ZFYVE9: variants seen among roughly 807,000 people sequenced by gnomAD.
ZFYVE9 encodes the protein zinc finger FYVE-type containing 9.
ZFYVE9 carries 43 observed loss-of-function variants against 126.7 expected under a neutral mutation model. That is an observed-to-expected ratio of 0.34 (90% CI 0.27 to 0.44). ZFYVE9 has a LOEUF of 0.44. Ranked by LOEUF, ZFYVE9 falls within the 20% of genes least tolerant of loss-of-function variation. The pLI, the probability that ZFYVE9 is intolerant of heterozygous loss-of-function variation, is 1.00. For synonymous variants in ZFYVE9, 521 were observed against 597.4 expected (o/e 0.87, Z 1.87); for missense variants, 1,476 against 1,697.0 (o/e 0.87, Z 2.29).
intron 13 of ZFYVE9, among the ~76,000 whole-genome samples, chr1:52,308,155 C>T (rs1032853600): frequency 3.9e-5 from 6 of 152,152 alleles, no homozygotes; most frequent in Non-Finnish European, 7.4e-5. Context: ...AATTCCACTT[C>T]ATAGTTGAAA....
intron 2 of ZFYVE9, among the ~76,000 whole-genome samples, chr1:52,228,129 A>C (rs1283291711): frequency 6.6e-6 from 1 of 152,138 alleles, no homozygotes; most frequent in Non-Finnish European, 1.5e-5. Flanking sequence ...CTGAGGCTAG[A>C]GTGCAGTGCC....
intron 10 of ZFYVE9, among the ~76,000 whole-genome samples, chr1:52,285,112 G>A (rs915375363): frequency 1.3e-5 from 2 of 152,038 alleles, no homozygotes; most frequent in Non-Finnish European, 2.9e-5. Context: ...CAAGTTGGTG[G>A]CAGAATTGGG....
chr1:52,299,753 A>C (rs1040458855), intron 12 of ZFYVE9, among the ~76,000 whole-genome samples: 2 of 152,202 alleles, frequency 1.3e-5, no homozygotes, highest in African/African-American at 4.8e-5. Flanking sequence ...TTGTGGACTG[A>C]CAGTGGAGCT....
intron 13 of ZFYVE9, among the ~76,000 whole-genome samples, chr1:52,308,031 C>T (rs1484366420): frequency 6.6e-6 from 1 of 152,122 alleles, no homozygotes; most frequent in East Asian, 1.9e-4. Flanking sequence ...GGATTACAGG[C>T]GTGAGCCACT....
At chr1:52,240,558 C>G (rs954959439) in intron 4 of ZFYVE9, among the ~76,000 whole-genome samples, 1 of 152,112 alleles carries the variant, frequency 6.6e-6, no homozygotes, top group African/African-American at 2.4e-5. Flanking sequence ...CCCCCAGTGA[C>G]TTAGGTGAAA....
chr1:52,337,676 A>G, intron 15 of ZFYVE9, 96 bp from the exon 16 acceptor site: 1 of 1,405,942 alleles, frequency 7.1e-7, no homozygotes, highest in Non-Finnish European at 9.7e-7. Flanking sequence ...AGCTTTGGAA[A>G]GCAGAGCTAA....
At chr1:52,166,265 C>CATTG (rs1644513132) in intron 1 of ZFYVE9, among the ~76,000 whole-genome samples, 1 of 152,128 alleles carries the variant, frequency 6.6e-6, no homozygotes, top group Non-Finnish European at 1.5e-5. Context: ...TTCTACCCAT[C>CATTG]ATTGCTATTG....
intron 1 of ZFYVE9, among the ~76,000 whole-genome samples, chr1:52,155,266 C>T (rs1294171995): frequency 7.2e-6 from 1 of 137,980 alleles, no homozygotes; most frequent in East Asian, 2.1e-4. Context: ...GACGGAGTCT[C>T]GCTGTCGCCC....
At chr1:52,308,474 C>T (rs1429847439) in intron 13 of ZFYVE9, among the ~76,000 whole-genome samples, 1 of 152,146 alleles carries the variant, frequency 6.6e-6, no homozygotes, top group East Asian at 1.9e-4. Flanking sequence ...GGCATCACTA[C>T]ACCCGGCCAT....
At chr1:52,266,405 T>TAAAAAAAAAAAAA (rs33996604) in intron 5 of ZFYVE9, among the ~76,000 whole-genome samples, 34 of 85,634 alleles carry the variant, frequency 4.0e-4, no homozygotes, top group African/African-American at 1.6e-3. Flanking sequence ...TCTAATTCTT[T>TAAAAAAAAAAAAA]AAAAAAAAAA....
chr1:52,188,171 G>C (rs1229122653), intron 1 of ZFYVE9, among the ~76,000 whole-genome samples: 1 of 152,140 alleles, frequency 6.6e-6, no homozygotes. Flanking sequence ...ACCATATGCT[G>C]TGCAGGAACA....
At chr1:52,161,592 A>G (rs1644460682) in intron 1 of ZFYVE9, among the ~76,000 whole-genome samples, 1 of 152,188 alleles carries the variant, frequency 6.6e-6, no homozygotes. Context: ...TGCCTAGCCA[A>G]AGTTTTAAGA....
intron 2 of ZFYVE9, among the ~76,000 whole-genome samples, chr1:52,225,123 T>C (rs1184533968): frequency 1.3e-5 from 2 of 152,208 alleles, no homozygotes; most frequent in African/African-American, 2.4e-5. Context: ...CAAGGAATAC[T>C]TTGTTGCCCC....
intron 1 of ZFYVE9, among the ~76,000 whole-genome samples, chr1:52,192,489 T>A (rs1644825075): frequency 6.6e-6 from 1 of 152,260 alleles, no homozygotes; most frequent in African/African-American, 2.4e-5. Flanking sequence ...TGCTACCTCC[T>A]TCCCTTAAAT....
At chr1:52,251,495 GATTAC>G (rs1645446258) in intron 4 of ZFYVE9, among the ~76,000 whole-genome samples, 1 of 152,054 alleles carries the variant, frequency 6.6e-6, no homozygotes, top group Admixed American at 6.5e-5. Context: ...CAGGTAATGT[GATTAC>G]ATTAATTGAT....
chr1:52,205,438 C>G (rs1265737091), intron 1 of ZFYVE9, among the ~76,000 whole-genome samples: 1 of 151,866 alleles, frequency 6.6e-6, no homozygotes, highest in East Asian at 1.9e-4. Flanking sequence ...AGTGGTAACT[C>G]ACTATAACCT....
intron 13 of ZFYVE9, among the ~76,000 whole-genome samples, chr1:52,331,086 C>T (rs1285097595): frequency 3.9e-5 from 6 of 152,040 alleles, no homozygotes; most frequent in Non-Finnish European, 5.9e-5. Context: ...CCAGGCTGGT[C>T]TCGAACTCCT....
intron 1 of ZFYVE9, among the ~76,000 whole-genome samples, chr1:52,212,951 C>G (rs1374552008): frequency 6.6e-6 from 1 of 152,188 alleles, no homozygotes; most frequent in African/African-American, 2.4e-5. Context: ...GTTTTCCTCT[C>G]ATGTATCTTG....
At chr1:52,279,607 G>T (rs1426532797) in intron 9 of ZFYVE9, among the ~76,000 whole-genome samples, 1 of 152,044 alleles carries the variant, frequency 6.6e-6, no homozygotes, top group African/African-American at 2.4e-5. Flanking sequence ...GAGACTACAG[G>T]TGCACACCAC....
Sources: allele counts gnomAD v4.1 joint callset (sites outside exome capture counted in the v4.1 genomes callset), GRCh38; gene constraint gnomAD v4.1.1; transcripts MANE v1.5; gene names NCBI Gene and HGNC (gene_info 2026-07-23, HGNC 2026-07-21).